Variants in LZTFL1 observed in about 807,000 individuals in gnomAD.
LZTFL1 encodes the protein leucine zipper transcription factor-like protein 1.
A neutral mutation model predicts 45.9 loss-of-function variants in LZTFL1; 25 were observed. The ratio of observed to expected loss-of-function variants is 0.54; its 90% confidence interval spans 0.40 to 0.76. The LOEUF (loss-of-function observed/expected upper bound fraction) is 0.76. Among genes scored for constraint, LZTFL1 ranks in the 30% least tolerant of loss-of-function variants. The pLI, the probability that LZTFL1 is intolerant of heterozygous loss-of-function variation, is 0.00. For synonymous variants in LZTFL1, 93 were observed against 117.4 expected (o/e 0.79, Z 1.35); for missense variants, 277 against 331.1 (o/e 0.84, Z 1.27).
chr3:45,882,916 T>C (rs1701888103), intron 2 of LZTFL1, among the ~76,000 whole-genome samples: 1 of 152,030 alleles, frequency 6.6e-6, no homozygotes, highest in Non-Finnish European at 1.5e-5. Flanking sequence ...AGTTTATTAC[T>C]TATAGTTCTA....
At chr3:45,848,445 C>T (rs1244073325) in intron 4 of LZTFL1, among the ~76,000 whole-genome samples, 1 of 152,222 alleles carries the variant, frequency 6.6e-6, no homozygotes, top group Non-Finnish European at 1.5e-5. Flanking sequence ...TTATTTAAGG[C>T]TTACAGTATT....
intron 2 of LZTFL1, among the ~76,000 whole-genome samples, chr3:45,892,005 T>C (rs1702193489): frequency 1.3e-5 from 2 of 152,146 alleles, no homozygotes; most frequent in African/African-American, 4.8e-5. Flanking sequence ...ACTTAGCTGG[T>C]CTTCAAATCC....
rs993716060 is a variant in LZTFL1, at chr3:45,900,511, G to C, written c.-215+12609C>G. Among the ~76,000 whole-genome samples the C allele has an allele frequency of 6.6e-6, 1 of 152,144 alleles. No homozygotes were observed. Among genetic ancestry groups the C allele is most frequent in the African/African-American group, 2.4e-5 (1 of 41,430 alleles). The stretch of plus-strand genomic sequence containing the variant: ...ATGCACACTATAAATGTTCATTTGC[G>C]TGTCTGGTTGCTCTATGGGTAGGTA... On this transcript the variant is annotated intron_variant, in intron 2 of 4. Coordinates refer to the LZTFL1 transcript ENST00000472635. The surrounding 1 kb of genome is among the most constrained non-coding windows in gnomAD (Gnocchi z 4.7).
At position 45,904,948 on chromosome 3, in the gene LZTFL1, T is replaced by A. The variant is rs1702648640; in HGVS notation, c.-215+8172A>T. Among the ~76,000 whole-genome samples the A allele has an allele frequency of 2.0e-5, 3 of 152,142 alleles. No homozygotes were observed. The South Asian group carries it at 6.2e-4, about 32-fold the overall frequency. On this transcript the variant is annotated intron_variant, in intron 2 of 4. Transcript: ENST00000472635. The stretch of plus-strand genomic sequence containing the variant: ...TGGCTCCAGTGCCCACAGATCTCTG[T>A]CCCTCACTGAAGTTGGCCACTCCAG...
At chr3:45,886,710 G>A (rs1701991008) in intron 2 of LZTFL1, 1 of 152,334 alleles carries the variant, frequency 6.6e-6, no homozygotes, top group Non-Finnish European at 1.5e-5. Flanking sequence ...TTGGCCCTCA[G>A]TTGTGTGCTG....
chr3:45,861,100 G>A (rs1483419361), intron 2 of LZTFL1, among the ~76,000 whole-genome samples: 1 of 151,940 alleles, frequency 6.6e-6, no homozygotes, highest in Admixed American at 6.6e-5. Flanking sequence ...GAGAGGCGAT[G>A]GACACTAGAG....
intron 3 of LZTFL1, among the ~76,000 whole-genome samples, chr3:45,855,740 A>G (rs61626991): frequency 6.6e-6 from 1 of 152,288 alleles, no homozygotes; most frequent in African/African-American, 2.4e-5. Context: ...AAAAATCACA[A>G]ACATTCCTAT....
intron 2 of LZTFL1, among the ~76,000 whole-genome samples, chr3:45,911,122 C>T (rs1702788191): frequency 6.6e-6 from 1 of 152,162 alleles, no homozygotes; most frequent in African/African-American, 2.4e-5. Context: ...TGACATGGCA[C>T]CGGAAGCCAC....
chr3:45,850,382 C>T (rs1701289502), intron 4 of LZTFL1, among the ~76,000 whole-genome samples: 1 of 152,144 alleles, frequency 6.6e-6, no homozygotes, highest in Non-Finnish European at 1.5e-5. Flanking sequence ...CACAGTCTCC[C>T]CACTCCCTGC....
rs1313620384 is a variant in LZTFL1 at position 45,901,709 on chromosome 3, C to T, written c.-215+11411G>A. 6.2e-7 allele frequency: 1 copy of T among 1,614,216 alleles called. No individual in the cohort carries two copies. The highest frequency in any genetic ancestry group is 1.7e-5 in the Admixed American group (1 of 60,034). On this transcript the variant is annotated intron_variant, in intron 2 of 4. Coordinates refer to the LZTFL1 transcript ENST00000472635. This position sits in a 1 kb window ranked among gnomAD's most constrained non-coding sequence, Gnocchi z 4.3. ...TCCAGGTCACCCAGACCATCGCCTT[C>T]TTCCACAGTTGCCTGAACCCTGTTC...
At chr3:45,828,682 T>G (rs1700733838) in intron 7 of LZTFL1, 67 bp from the exon 8 acceptor site, 1 of 1,294,814 alleles carries the variant, frequency 7.7e-7, no homozygotes, top group East Asian at 2.3e-5. Context: ...TTTAGAATGG[T>G]GATTCAACAT....
chr3:45,832,682 C>A, intron 5 of LZTFL1: 1 of 159,478 alleles, frequency 6.3e-6, no homozygotes, highest in Non-Finnish European at 1.4e-5. Context: ...CTGCCTCAGC[C>A]TCCCGAGTAG....
At chr3:45,896,049 A>G (rs1223971876) in intron 2 of LZTFL1, among the ~76,000 whole-genome samples, 1 of 152,244 alleles carries the variant, frequency 6.6e-6, no homozygotes, top group African/African-American at 2.4e-5. Context: ...CATTAGTATT[A>G]CATATGTATA....
At chr3:45,905,254 A>T (rs1289150685) in intron 2 of LZTFL1, among the ~76,000 whole-genome samples, 3 of 152,064 alleles carry the variant, frequency 2.0e-5, no homozygotes, top group African/African-American at 7.2e-5. Flanking sequence ...CTCTCTCCCC[A>T]TCTCATGTGC....
intron 2 of LZTFL1, among the ~76,000 whole-genome samples, chr3:45,874,793 A>T (rs1701723840): frequency 6.6e-6 from 1 of 152,162 alleles, no homozygotes; most frequent in Non-Finnish European, 1.5e-5. Context: ...TGGCAGTTCT[A>T]AGCCCAGACC....
At chr3:45,912,770 T>A (rs1702821802) in intron 2 of LZTFL1, among the ~76,000 whole-genome samples, 1 of 151,672 alleles carries the variant, frequency 6.6e-6, no homozygotes, top group Non-Finnish European at 1.5e-5. Context: ...GACAAGGGAG[T>A]GAGCCCACCA....
chr3:45,843,604 T>C (rs952284987), upstream of LZTFL1, among the ~76,000 whole-genome samples: 1 of 152,216 alleles, frequency 6.6e-6, no homozygotes, highest in Admixed American at 6.5e-5. Flanking sequence ...ATTACATTTG[T>C]GGCTTGGGGA....
In LZTFL1 at chr3:45,880,673, C is replaced by T. The variant is rs1273697492; in HGVS notation, c.-214-21657G>A. On this transcript the variant is annotated intron_variant, in intron 2 of 4. Coordinates refer to the LZTFL1 transcript ENST00000472635. ...GCAAGCTGTCCTCCTGCCTGTTGGT[C>T]TTTCTCATCCTTGGACACGTCAAAT... Among the ~76,000 whole-genome samples the T allele has an allele frequency of 2.0e-5, 3 of 152,180 alleles. No homozygotes were observed. The East Asian group carries it at 5.8e-4, about 29-fold the overall frequency.
At position 45,827,367 on chromosome 3, in the gene LZTFL1, T is replaced by C; in HGVS notation, c.870A>G (p.Lys290=). 2 of 1,611,224 alleles carry C rather than the reference T, an allele frequency of 1.2e-6. No homozygotes were observed. The highest frequency in any genetic ancestry group is 8.5e-7 in the Non-Finnish European group (1 of 1,177,412). The change falls in exon 9 of 10, where the codon AAA becomes AAG. Residue 290 remains lysine, a synonymous_variant. Coordinates refer to ENST00000296135, the MANE Select transcript of LZTFL1 (RefSeq NM_020347.4). ...KKNDQIKDLR[K]RLAQYEPED is the part of the protein sequence containing the mutation. ...TCAGTGTGGCTTACTGTGCCAGTCT[T>C]TTCCTCAGATCTTTGATTTGGTCAT...
Sources: gnomAD v4.1 joint callset for allele counts (sites outside exome capture counted in the v4.1 genomes callset) on GRCh38, gnomAD v4.1.1 for gene constraint, Gnocchi (gnomAD v3.1) non-coding constraint, MANE v1.5 for transcripts, NCBI Gene and HGNC (gene_info 2026-07-23, HGNC 2026-07-21) for gene names.